Variants in XRRA1 observed in about 807,000 individuals in gnomAD.
The protein encoded by XRRA1 is X-ray radiation resistance-associated protein 1.
XRRA1 carries 69 observed loss-of-function variants against 80.2 expected under a neutral mutation model. That is an observed-to-expected ratio of 0.86 (90% confidence interval 0.71 to 1.05). XRRA1 has a LOEUF of 1.05. XRRA1 is among the 50% of genes least tolerant of loss of function. The pLI, the probability that XRRA1 is intolerant of heterozygous loss-of-function variation, is 0.00. For missense variants in XRRA1, 967 were observed against 976.4 expected (o/e 0.99, Z 0.13); for synonymous variants, 348 against 389.9 (o/e 0.89, Z 1.27).
intron 1 of XRRA1, among the ~76,000 whole-genome samples, chr11:74,947,343 C>T (rs1021066799): frequency 6.6e-6 from 1 of 151,962 alleles, no homozygotes; most frequent in Admixed American, 6.6e-5. Context: ...CTGTCCAACA[C>T]GGCGAAATCC....
chr11:74,882,493 G>T (rs1041148307), intron 10 of XRRA1, among the ~76,000 whole-genome samples: 6 of 152,118 alleles, frequency 3.9e-5, no homozygotes, highest in Non-Finnish European at 8.8e-5. Context: ...ATCGTCTGAA[G>T]CCTTCTTCTC....
At chr11:74,929,801 C>G (rs1943089740) in intron 6 of XRRA1, among the ~76,000 whole-genome samples, 1 of 152,194 alleles carries the variant, frequency 6.6e-6, no homozygotes, top group Non-Finnish European at 1.5e-5. Context: ...TTTCACTGCT[C>G]TCCCCTCATC....
At chr11:74,932,103 A>G (rs1452016511) in intron 5 of XRRA1, among the ~76,000 whole-genome samples, 2 of 152,020 alleles carry the variant, frequency 1.3e-5, no homozygotes, top group Non-Finnish European at 2.9e-5. Flanking sequence ...GTTTTGTAGG[A>G]GCTCTTGACA....
At chr11:74,901,984 C>G (rs2053643813) in intron 10 of XRRA1, among the ~76,000 whole-genome samples, 1 of 152,158 alleles carries the variant, frequency 6.6e-6, no homozygotes, top group African/African-American at 2.4e-5. Context: ...AGACAACCCA[C>G]AGAATGGGAG....
intron 8 of XRRA1, chr11:74,919,778 C>T: frequency 2.3e-6 from 1 of 439,028 alleles, no homozygotes; most frequent in Non-Finnish European, 4.4e-6. Context: ...ATGTGCACAA[C>T]TGATACCAGG....
At chr11:74,876,196 A>C (rs1164210378) in intron 10 of XRRA1, 1 of 152,214 alleles carries the variant, frequency 6.6e-6, no homozygotes, top group Non-Finnish European at 1.5e-5. Context: ...CTAGGCATAC[A>C]GTATCATCTC....
chr11:74,906,807 G>T, intron 9 of XRRA1: 2 of 382,658 alleles, frequency 5.2e-6, no homozygotes, highest in South Asian at 4.7e-5. Flanking sequence ...TAGAATTCAG[G>T]AATTAAATTT....
intron 7 of XRRA1, among the ~76,000 whole-genome samples, chr11:74,923,556 T>A (rs1451538046): frequency 6.6e-6 from 1 of 152,216 alleles, no homozygotes; most frequent in Non-Finnish European, 1.5e-5. Flanking sequence ...CTCTCTAATC[T>A]ATTTTTTATA....
At chr11:74,870,576 A>AT (rs1222768976) in intron 10 of XRRA1, among the ~76,000 whole-genome samples, 4 of 152,198 alleles carry the variant, frequency 2.6e-5, no homozygotes, top group Admixed American at 2.6e-4. Context: ...CATTTTTGTG[A>AT]TTTTCTAGGA....
intron 10 of XRRA1, among the ~76,000 whole-genome samples, chr11:74,905,321 T>C (rs1034438830): frequency 6.6e-6 from 1 of 152,200 alleles, no homozygotes; most frequent in African/African-American, 2.4e-5. Context: ...TCTCCAGCCT[T>C]GGCCTCCCAA....
chr11:74,906,136 A>G (rs1285820472), intron 10 of XRRA1, 103 bp downstream of exon 10: 6 of 1,090,570 alleles, frequency 5.5e-6, no homozygotes, highest in Non-Finnish European at 7.8e-6. Context: ...AGCAAATTCA[A>G]TTCGTGATAT....
At chr11:74,926,645 G>A (rs1172773356) in intron 7 of XRRA1, among the ~76,000 whole-genome samples, 1 of 152,012 alleles carries the variant, frequency 6.6e-6, no homozygotes, top group Non-Finnish European at 1.5e-5. Context: ...TTGTTCCTTT[G>A]TAAAAAGTGG....
rs202090972 is a variant in XRRA1, at chr11:74,848,437, G to A, written c.1406C>T (p.Pro469Leu). Residue 469 changes from proline to leucine, a missense_variant, in exon 15 of 19, where the codon CCG becomes CTG. By Grantham distance (98) the Pro-to-Leu change is moderately conservative (BLOSUM62 -3). Transcript: ENST00000684022. ...GTGATGGAGCACCAGAGGCTGCTTC[G>A]GCACCTTTGGGATTTCGCTTTTCAC... ...WKVKSEIPKV[P>L]KQPLVLHHPR... 1.2e-4 allele frequency: 195 copies of A among 1,610,842 alleles called. No homozygotes were observed. In the African/African-American group the frequency reaches 1.3e-3, roughly 10 times the overall value.
chr11:74,913,348 G>C (rs1033440773), intron 8 of XRRA1, among the ~76,000 whole-genome samples: 2 of 152,230 alleles, frequency 1.3e-5, no homozygotes, highest in African/African-American at 2.4e-5. Flanking sequence ...CTCTTGTTTA[G>C]AAGATTGTTA....
At chr11:74,889,733 A>G (rs1338682719) in intron 10 of XRRA1, among the ~76,000 whole-genome samples, 1 of 152,238 alleles carries the variant, frequency 6.6e-6, no homozygotes, top group African/African-American at 2.4e-5. Context: ...TGGAAAACAA[A>G]AAAAGGCAGG....
intron 12 of XRRA1, among the ~76,000 whole-genome samples, chr11:74,855,088 A>G (rs1328234758): frequency 6.6e-6 from 1 of 152,190 alleles, no homozygotes; most frequent in African/African-American, 2.4e-5. Flanking sequence ...TACCTTTCTC[A>G]TTTGTTGCCA....
intron 12 of XRRA1, among the ~76,000 whole-genome samples, chr11:74,857,711 G>A (rs1387064187): frequency 6.6e-6 from 1 of 152,090 alleles, no homozygotes; most frequent in South Asian, 2.1e-4. Flanking sequence ...TGACCATAGG[G>A]TGAATCATAA....
intron 10 of XRRA1, among the ~76,000 whole-genome samples, chr11:74,865,489 T>C (rs2043207846): frequency 6.6e-6 from 1 of 152,046 alleles, no homozygotes; most frequent in Non-Finnish European, 1.5e-5. Flanking sequence ...TGCGGAGACA[T>C]GCAGGCAGAT....
intron 2 of XRRA1, among the ~76,000 whole-genome samples, chr11:74,943,524 G>GGTGTGT (rs67590742): frequency 0.015 from 2,078 of 137,762 alleles, 56 homozygotes; most frequent in African/African-American, 0.044. Context: ...AGAGTAGGAG[G>GGTGTGT]GTGTGTGTGT....
Sources: gnomAD v4.1 joint callset for allele counts (sites outside exome capture counted in the v4.1 genomes callset) on GRCh38, gnomAD v4.1.1 for gene constraint, MANE v1.5 for transcripts, NCBI Gene and HGNC (gene_info 2026-07-23, HGNC 2026-07-21) for gene names.